Variants in MPDZ observed in about 807,000 individuals in gnomAD.
MPDZ encodes the protein multiple PDZ domain crumbs cell polarity complex component, also known as multiple PDZ domain protein.
A neutral mutation model predicts 239.1 loss-of-function variants in MPDZ; 234 were observed. The ratio of observed to expected loss-of-function variants is 0.98; its 90% CI spans 0.88 to 1.09. MPDZ has a LOEUF of 1.09. Ranked by LOEUF, MPDZ falls within the 50% of genes least tolerant of loss-of-function variation. The pLI, the probability that MPDZ is intolerant of heterozygous loss-of-function variation, is 0.00. For missense variants in MPDZ, 3,175 were observed against 2,510.0 expected, an observed-to-expected ratio of 1.26 and a Z score of -5.66; for synonymous variants, 1,048 against 881.3, an observed-to-expected ratio of 1.19 and a Z score of -3.35.
intron 10 of MPDZ, among the ~76,000 whole-genome samples, chr9:13,215,894 A>G (rs529110819): frequency 8.7e-5 from 13 of 149,944 alleles, no homozygotes; most frequent in South Asian, 2.1e-4. Flanking sequence ...TGGCCTCCCA[A>G]GTAGCTAGGA....
intron 3 of MPDZ, among the ~76,000 whole-genome samples, chr9:13,240,395 T>C (rs1965094229): frequency 6.6e-6 from 1 of 151,682 alleles, no homozygotes; most frequent in Admixed American, 6.6e-5. Context: ...TTAAAAAGAA[T>C]CTATGATTAA....
chr9:13,154,633 G>C (rs935715124), intron 24 of MPDZ, among the ~76,000 whole-genome samples: 1 of 152,112 alleles, frequency 6.6e-6, no homozygotes, highest in Non-Finnish European at 1.5e-5. Context: ...ATAAGCAATT[G>C]ATAAATCTTT....
chr9:13,186,265 C>G lies in MPDZ; in HGVS notation c.2481+5G>C. On this transcript the variant is annotated splice_donor_5th_base_variant and intron_variant, in intron 18 of 46. Transcript: ENST00000319217. ...AAGAAAGCTTGATAAGTCATAGCCACTAACCAGAGCCAAGTCAGCCCTGAA... is the reference window on the plus strand; with the variant it reads ...AAGAAAGCTTGATAAGTCATAGCCAGTAACCAGAGCCAAGTCAGCCCTGAA... 1 of 1,557,940 alleles carries G rather than the reference C, an allele frequency of 6.4e-7. No homozygotes were observed. The highest frequency in any genetic ancestry group is 8.7e-7 in the Non-Finnish European group (1 of 1,148,058).
At chr9:13,278,052 G>A (rs982856387) in intron 1 of MPDZ, among the ~76,000 whole-genome samples, 1 of 152,076 alleles carries the variant, frequency 6.6e-6, no homozygotes, top group African/African-American at 2.4e-5. Flanking sequence ...TTCAGATAAG[G>A]TGTTATTTAT....
intron 27 of MPDZ, among the ~76,000 whole-genome samples, chr9:13,141,680 C>T (rs1304648788): frequency 6.6e-6 from 1 of 151,858 alleles, no homozygotes; most frequent in Non-Finnish European, 1.5e-5. Context: ...TTAATTGGTG[C>T]CACGAATTAG....
rs751012392 is a variant in MPDZ at position 13,189,003 on chromosome 9, G to A, written c.2155-10C>T. 1.9e-6 allele frequency: 3 copies of A among 1,606,536 alleles called. No individual in the cohort carries two copies. Among genetic ancestry groups the A allele is most frequent in the Admixed American group, 1.7e-5 (1 of 59,674 alleles). The stretch of plus-strand genomic sequence containing the variant: ...CTGGATCAATTGGATCCTGACAGAA[G>A]GCAAAAGGAAAGAGTCAGCTCATTT... On this transcript the variant is annotated splice_polypyrimidine_tract_variant and intron_variant, in intron 16 of 46. Transcript: ENST00000319217.
chr9:13,239,723 T>A (rs1964917758), intron 3 of MPDZ, among the ~76,000 whole-genome samples: 1 of 152,170 alleles, frequency 6.6e-6, no homozygotes, highest in Non-Finnish European at 1.5e-5. Context: ...GTACAAAGTA[T>A]TTAAAGATGA....
intron 13 of MPDZ, among the ~76,000 whole-genome samples, chr9:13,194,794 C>T (rs1408792521): frequency 6.6e-6 from 1 of 152,028 alleles, no homozygotes; most frequent in Non-Finnish European, 1.5e-5. Flanking sequence ...ATTCAATTAC[C>T]ACCCGAAGGA....
intron 1 of MPDZ, among the ~76,000 whole-genome samples, chr9:13,253,963 C>T (rs1205089167): frequency 6.6e-6 from 1 of 152,314 alleles, no homozygotes; most frequent in Non-Finnish European, 1.5e-5. Flanking sequence ...AGTAACTTGT[C>T]TAAGGCCACA....
intron 10 of MPDZ, among the ~76,000 whole-genome samples, chr9:13,211,976 C>T (rs1002477998): frequency 3.3e-5 from 5 of 151,932 alleles, no homozygotes; most frequent in African/African-American, 9.7e-5. Flanking sequence ...TATTTACTCT[C>T]ACAGTAATAA....
At chr9:13,160,561 G>T (rs964571700) in intron 23 of MPDZ, among the ~76,000 whole-genome samples, 1 of 151,616 alleles carries the variant, frequency 6.6e-6, no homozygotes, top group Non-Finnish European at 1.5e-5. Context: ...TATTTCAGAG[G>T]GACATTGAAA....
chr9:13,190,276 G>T lies in MPDZ; in HGVS notation c.1992C>A (p.Phe664Leu), dbSNP rs201994361. The change falls in exon 16 of 47, where the codon TTC (phenylalanine) becomes TTA (leucine). Residue 664 changes from phenylalanine to leucine, a missense_variant. By Grantham distance (22) the Phe-to-Leu change is conservative. Coordinates refer to ENST00000319217, the MANE Select transcript of MPDZ (RefSeq NM_001378778.1). Reference sequence around the variant, plus strand: ...GATCCTCTGTCTCTGATGACCCGATGAACTCACCTAGATCTACGTGAGGCT... The same window carrying T: ...GATCCTCTGTCTCTGATGACCCGATTAACTCACCTAGATCTACGTGAGGCT... ...TEKPHVDLGEFIGSSETEDPV... is the reference protein window; with the variant it reads ...TEKPHVDLGELIGSSETEDPV... The T allele has an allele frequency of 1.5e-4, 245 of 1,603,116 alleles. 1 individual carries two copies. The African/African-American group carries it at 2.8e-3, about 18-fold the overall frequency.
At chr9:13,219,449 T>G in intron 8 of MPDZ, 110 bp downstream of exon 8, 1 of 919,610 alleles carries the variant, frequency 1.1e-6, no homozygotes, top group Non-Finnish European at 1.6e-6. Flanking sequence ...CATTCCATTC[T>G]TTAGCACTAA....
Position 13,123,298 on chromosome 9 carries a change from T to A in MPDZ, c.4808A>T (p.Asn1603Ile). The change falls in exon 36 of 47, where the codon AAT (asparagine) becomes ATT (isoleucine). Residue 1603 changes from asparagine (N) to isoleucine (I), a missense_variant and splice_region_variant. Physicochemically the swap from Asn to Ile is moderately radical, Grantham distance 149. Coordinates refer to ENST00000319217, the MANE Select transcript of MPDZ (RefSeq NM_001378778.1). ...TGCTGGTGTTGATGATCTGCTTGTATCTAAAAATAAGTTAAAAATGAAATA... is the reference window on the plus strand; with the variant it reads ...TGCTGGTGTTGATGATCTGCTTGTAACTAAAAATAAGTTAAAAATGAAATA... ...SGSPEPESIR[N>I]TSRSSTPAIF... The A allele has an allele frequency of 1.2e-6, 2 of 1,601,278 alleles. No individual in the cohort carries two copies. Among genetic ancestry groups the A allele is most frequent in the South Asian group, 2.2e-5 (2 of 88,978 alleles).
At chr9:13,272,655 G>GC (rs1044316722) in intron 1 of MPDZ, among the ~76,000 whole-genome samples, 6 of 148,748 alleles carry the variant, frequency 4.0e-5, no homozygotes, top group Middle Eastern at 6.9e-3. Context: ...CTGAGGTCAG[G>GC]CGTTCAAGAC....
chr9:13,165,266 G>T, intron 22 of MPDZ: 1 of 1,124,356 alleles, frequency 8.9e-7, no homozygotes, highest in Non-Finnish European at 1.3e-6. Flanking sequence ...ATCTATATCT[G>T]GATCTATTCT....
At position 13,263,394 on chromosome 9, in the gene MPDZ, C is replaced by CAA. The variant is rs1218234444; in HGVS notation, c.-57-13024_-57-13023dup. Among the ~76,000 whole-genome samples, 238 of 79,416 alleles carry CAA rather than the reference C, an allele frequency of 3.0e-3. 1 individual carries two copies. Among genetic ancestry groups the CAA allele is most frequent in the African/African-American group, 9.3e-3 (207 of 22,280 alleles). The allele number at this position is 79,416 out of a possible 152,430, so 52.1% of individuals were successfully genotyped here. ...TCAAATCCTCCTTGTCCTTGTTTGG[C>CAA]AAAAAAAAAAAAAAAAAGATTTCGC... On this transcript the variant is annotated intron_variant, in intron 1 of 46. Transcript: ENST00000319217.
intron 1 of MPDZ, among the ~76,000 whole-genome samples, chr9:13,278,812 G>A (rs1286711932): frequency 6.6e-6 from 1 of 151,994 alleles, no homozygotes; most frequent in South Asian, 2.1e-4. Context: ...GCAGGACCAG[G>A]AGCATTGCTG....
intron 3 of MPDZ, among the ~76,000 whole-genome samples, chr9:13,244,021 T>C (rs1291679389): frequency 1.3e-5 from 2 of 152,232 alleles, no homozygotes; most frequent in South Asian, 2.1e-4. Context: ...TCTGTTGCCA[T>C]AGCTTTAAAA....
Sources: gnomAD v4.1 joint callset for allele counts (sites outside exome capture counted in the v4.1 genomes callset) on GRCh38, gnomAD v4.1.1 for gene constraint, MANE v1.5 for transcripts, NCBI Gene and HGNC (gene_info 2026-07-23, HGNC 2026-07-21) for gene names.